PWWP3B: variants seen among roughly 807,000 people sequenced by gnomAD.
PWWP3B encodes the protein PWWP domain-containing DNA repair factor 3B.
In PWWP3B, 5 loss-of-function variants were observed where a neutral mutation model predicts 15.7. The observed-to-expected ratio is 0.32, with a 90% CI of 0.17 to 0.67. The LOEUF (loss-of-function observed/expected upper bound fraction) is 0.67, where lower values mean the gene tolerates loss of function less well. PWWP3B is among the 30% of genes least tolerant of loss of function. The pLI is 0.74. For missense variants in PWWP3B, 519 were observed against 493.1 expected, an observed-to-expected ratio of 1.05 and a Z score of -0.50; for synonymous variants, 203 against 179.8, an observed-to-expected ratio of 1.13 and a Z score of -1.03.
At chrX:106,174,811 GC>G in intron 2 of PWWP3B, among the ~76,000 whole-genome samples, 1 of 111,310 alleles carries the variant, frequency 9.0e-6, no homozygotes, top group Admixed American at 9.5e-5. Flanking sequence ...ATTTTGGGAG[GC>G]CGAGGCAGGC....
At chrX:106,174,096 C>T (rs1384730912) in intron 2 of PWWP3B, among the ~76,000 whole-genome samples, 1 of 112,012 alleles carries the variant, frequency 8.9e-6, no homozygotes, top group Non-Finnish European at 1.9e-5. Flanking sequence ...AATTTTGACC[C>T]AGGCTGACCC....
chrX:106,184,737 G>A (rs1922404421), intron 2 of PWWP3B, among the ~76,000 whole-genome samples: 2 of 111,764 alleles, frequency 1.8e-5, no homozygotes, highest in Non-Finnish European at 3.8e-5. Context: ...TATACCTATC[G>A]GGATTGTCTG....
chrX:106,178,689 T>C (rs1274522033), intron 2 of PWWP3B, among the ~76,000 whole-genome samples: 2 of 112,278 alleles, frequency 1.8e-5, no homozygotes, highest in East Asian at 2.8e-4. Flanking sequence ...CTTAGTAGTA[T>C]GCAAAAATGT....
intron 1 of PWWP3B, among the ~76,000 whole-genome samples, chrX:106,169,909 G>A (rs1325467807): frequency 9.0e-6 from 1 of 111,287 alleles, no homozygotes; most frequent in African/African-American, 3.3e-5. Context: ...ATAAAAACCT[G>A]GAAATATACA....
At chrX:106,182,060 G>A (rs1224183404) in intron 2 of PWWP3B, among the ~76,000 whole-genome samples, 1 of 111,632 alleles carries the variant, frequency 9.0e-6, no homozygotes, top group Non-Finnish European at 1.9e-5. Context: ...ACTGGTCAGT[G>A]TAAAAACAAC....
chrX:106,181,292 G>T, intron 2 of PWWP3B, among the ~76,000 whole-genome samples: 1 of 111,656 alleles, frequency 9.0e-6, no homozygotes, highest in South Asian at 3.8e-4. Context: ...TGCCACTGCT[G>T]GCTGGGGTGG....
chrX:106,180,778 T>C lies in PWWP3B; in HGVS notation c.-401+9639T>C, dbSNP rs777481141. Reference sequence around the variant, plus strand: ...AGATCTATGGTCTATTTGAAACCTTTTTCCTGTCCCCTTCTTTTCTATGTC... The same window carrying C: ...AGATCTATGGTCTATTTGAAACCTTCTTCCTGTCCCCTTCTTTTCTATGTC... On this transcript the variant is annotated intron_variant, in intron 2 of 3. Transcript: ENST00000357175. Among the ~76,000 whole-genome samples, 8 of 112,239 alleles carry C rather than the reference T, an allele frequency of 7.1e-5. No individual in the cohort carries two copies. The East Asian group carries it at 2.0e-3, about 28-fold the overall frequency.
chrX:106,194,054 A>G (rs979703073), intron 2 of PWWP3B, among the ~76,000 whole-genome samples: 1 of 110,720 alleles, frequency 9.0e-6, no homozygotes, highest in African/African-American at 3.3e-5. Flanking sequence ...TCTTTGTGGC[A>G]TTCTCTGTAT....
At chrX:106,172,995 AT>A (rs1213232722) in intron 2 of PWWP3B, among the ~76,000 whole-genome samples, 1 of 112,096 alleles carries the variant, frequency 8.9e-6, no homozygotes, top group Non-Finnish European at 1.9e-5. Context: ...GCAGTTTGTC[AT>A]TGACTGAAAT....
At chrX:106,194,981 G>A (rs192853427) in intron 2 of PWWP3B, among the ~76,000 whole-genome samples, 102 of 111,579 alleles carry the variant, frequency 9.1e-4, no homozygotes, top group African/African-American at 3.1e-3. Context: ...TAGGCTACTC[G>A]GGGGTCAGGG....
At chrX:106,175,020 G>A (rs1322844101) in intron 2 of PWWP3B, among the ~76,000 whole-genome samples, 3 of 94,926 alleles carry the variant, frequency 3.2e-5, no homozygotes, top group Non-Finnish European at 6.2e-5. Flanking sequence ...CAGCCTGAGC[G>A]ACAGAGCAAG....
In PWWP3B at chrX:106,193,131, G is replaced by C. The variant is rs1162735750; in HGVS notation, c.-400-10854G>C. Among the ~76,000 whole-genome samples, 7 of 111,292 alleles carry C rather than the reference G, an allele frequency of 6.3e-5. No homozygotes were observed. In the South Asian group the frequency reaches 1.1e-3, roughly 18 times the overall value. On this transcript the variant is annotated intron_variant, in intron 2 of 3. Coordinates refer to ENST00000357175, the MANE Select transcript of PWWP3B (RefSeq NM_001171020.2). ...GTCTCATTGATCTGTCTAATGTTGAGAGTGGGGTGTTAAAGTCTCCCATTA... is the reference window on the plus strand; with the variant it reads ...GTCTCATTGATCTGTCTAATGTTGACAGTGGGGTGTTAAAGTCTCCCATTA...
At chrX:106,189,012 C>T (rs1922698641) in intron 2 of PWWP3B, among the ~76,000 whole-genome samples, 1 of 111,491 alleles carries the variant, frequency 9.0e-6, no homozygotes, top group African/African-American at 3.3e-5. Context: ...TGAGTAAATA[C>T]TTAGGAATGG....
At chrX:106,170,581 C>T (rs1921565911) in intron 1 of PWWP3B, among the ~76,000 whole-genome samples, 1 of 111,518 alleles carries the variant, frequency 9.0e-6, no homozygotes. Flanking sequence ...GTGGACAAAG[C>T]AATGAAATAT....
intron 1 of PWWP3B, among the ~76,000 whole-genome samples, chrX:106,170,157 T>A: frequency 8.9e-6 from 1 of 111,833 alleles, no homozygotes; most frequent in Non-Finnish European, 1.9e-5. Flanking sequence ...GTAAAGCAAT[T>A]CACAAAAAGA....
chrX:106,185,861 A>T (rs1413469659), intron 2 of PWWP3B, among the ~76,000 whole-genome samples: 3 of 111,771 alleles, frequency 2.7e-5, no homozygotes, highest in Non-Finnish European at 3.8e-5. Context: ...GAGGCTCCCC[A>T]TATCCTAGCT....
chrX:106,185,734 G>A (rs1475906118), intron 2 of PWWP3B, among the ~76,000 whole-genome samples: 1 of 112,151 alleles, frequency 8.9e-6, no homozygotes, highest in African/African-American at 3.2e-5. Context: ...AAGATGGTAT[G>A]CCCCAAAACT....
chrX:106,192,528 T>G (rs1235713049), intron 2 of PWWP3B, among the ~76,000 whole-genome samples: 1 of 111,502 alleles, frequency 9.0e-6, no homozygotes, highest in African/African-American at 3.3e-5. Flanking sequence ...GGGTTTTTTG[T>G]GTCTCTATTT....
chrX:106,191,219 A>C (rs374878560), intron 2 of PWWP3B, among the ~76,000 whole-genome samples: 152 of 110,816 alleles, frequency 1.4e-3, no homozygotes, highest in Middle Eastern at 4.7e-3. Flanking sequence ...CTTTTATTTC[A>C]TTGAGCAGTG....
Sources: allele counts gnomAD v4.1 joint callset (sites outside exome capture counted in the v4.1 genomes callset), GRCh38; gene constraint gnomAD v4.1.1; transcripts MANE v1.5; gene names NCBI Gene and HGNC (gene_info 2026-07-23, HGNC 2026-07-21).